Variants in TBXT observed in about 807,000 individuals in gnomAD.
The protein encoded by TBXT is T-box transcription factor T.
TBXT carries 19 observed loss-of-function variants against 41.1 expected under a neutral mutation model. The ratio of observed to expected loss-of-function variants is 0.46; its 90% CI spans 0.32 to 0.68. The LOEUF (loss-of-function observed/expected upper bound fraction) is 0.68, where lower values mean the gene tolerates loss of function less well. Ranked by LOEUF, TBXT falls within the 30% of genes least tolerant of loss-of-function variation. The pLI is 0.03. For synonymous variants in TBXT, 213 were observed against 238.9 expected (o/e 0.89, Z 1.00); for missense variants, 536 against 582.0 (o/e 0.92, Z 0.81).
intron 6 of TBXT, 31 bp downstream of exon 6, chr6:166,162,416 A>T (rs1487526491): frequency 8.7e-5 from 141 of 1,613,692 alleles, no homozygotes; most frequent in Non-Finnish European, 1.2e-4. Flanking sequence ...GCCACCCACC[A>T]ACCCCTGGCA....
chr6:166,158,683 T>G (rs1219906883), intron 7 of TBXT, 95 bp from the exon 8 acceptor site: 1 of 1,352,802 alleles, frequency 7.4e-7, no homozygotes, highest in African/African-American at 1.5e-5. Context: ...TCGGAGTGAC[T>G]GTGTAATATG....
rs759679493 is a variant in TBXT at position 166,166,751 on chromosome 6, G to A, written c.312C>T (p.Tyr104=). The part of the protein sequence containing the change: ...FVAADNHRWK[Y]VNGEWVPGGK... The stretch of plus-strand genomic sequence containing the variant: ...CCCCCGGCACCCATTCCCCGTTCAC[G>A]TACTTCCAGCGGTGGTTGTCCGCCG... The change falls in exon 2 of 8, where the codon TAC becomes TAT. Residue 104 remains tyrosine, a synonymous_variant. Coordinates refer to ENST00000366876, the MANE Select transcript of TBXT (RefSeq NM_001366285.2). 15 of 1,613,778 alleles carry A rather than the reference G, an allele frequency of 9.3e-6. No individual in the cohort carries two copies. In the East Asian group the frequency reaches 1.6e-4, roughly 17 times the overall value.
In TBXT at chr6:166,167,602, G is replaced by C. The variant is rs1198430776; in HGVS notation, c.-11C>G. On this transcript the variant is annotated 5_prime_UTR_variant, in exon 1 of 8. Coordinates refer to ENST00000366876, the MANE Select transcript of TBXT (RefSeq NM_001366285.2). Reference sequence around the variant, plus strand: ...GCCAGGGGAGCTCATCCTCCCGTCCGGCTCCCCTCCCCGCCGTCCCCGAAG... The same window carrying C: ...GCCAGGGGAGCTCATCCTCCCGTCCCGCTCCCCTCCCCGCCGTCCCCGAAG... 2 of 1,546,710 alleles carry C rather than the reference G, an allele frequency of 1.3e-6. No homozygotes were observed. Among genetic ancestry groups the C allele is most frequent in the East Asian group, 2.4e-5 (1 of 41,214 alleles).
intron 6 of TBXT, among the ~76,000 whole-genome samples, chr6:166,161,731 G>C (rs1315141837): frequency 6.6e-6 from 1 of 152,176 alleles, no homozygotes; most frequent in Non-Finnish European, 1.5e-5. Flanking sequence ...GACCATCCTG[G>C]CTAACACGGT....
intron 2 of TBXT, 88 bp downstream of exon 2, chr6:166,166,504 C>A: frequency 6.2e-7 from 1 of 1,600,078 alleles, no homozygotes; most frequent in Non-Finnish European, 8.5e-7. Flanking sequence ...CCCGTTCAAG[C>A]AGCGTCCCTT....
rs75828353 is a variant in TBXT at position 166,166,054 on chromosome 6, A to G, written c.472-214T>C. Among the ~76,000 whole-genome samples the G allele has an allele frequency of 2.5e-4, 38 of 152,332 alleles. No individual in the cohort carries two copies. The East Asian group carries it at 5.6e-3, about 22-fold the overall frequency. Reference sequence around the variant, plus strand: ...AAAGGGATGTGAGATGCTACACACCATTAAAAGCAATGAATGCTCATCACA... The same window carrying G: ...AAAGGGATGTGAGATGCTACACACCGTTAAAAGCAATGAATGCTCATCACA... On this transcript the variant is annotated intron_variant, in intron 2 of 7. Coordinates refer to ENST00000366876, the MANE Select transcript of TBXT (RefSeq NM_001366285.2).
chr6:166,161,259 G>C (rs1337156133), intron 6 of TBXT, among the ~76,000 whole-genome samples: 3 of 152,064 alleles, frequency 2.0e-5, no homozygotes, highest in Non-Finnish European at 2.9e-5. Flanking sequence ...CACTGACTTG[G>C]AATTACTTAT....
Position 166,164,677 on chromosome 6 carries a change from G to GAA in TBXT, c.669-13_669-12dup. The GAA allele has an allele frequency of 2.3e-6, 3 of 1,314,530 alleles. No individual in the cohort carries two copies. The highest frequency in any genetic ancestry group is 1.5e-5 in the African/African-American group (1 of 66,334). 81.4% of individuals were successfully genotyped at this position (1,314,530 alleles called of 1,614,324 possible). A position where few individuals can be genotyped will look rare whatever the true frequency, so the allele number is the denominator to read the frequency against. Reference sequence around the variant, plus strand: ...TCTTTGTGATCACTTCTATCAAAATGAAAAAAAAAAAGTATATCGAATTTT... The same window carrying GAA: ...TCTTTGTGATCACTTCTATCAAAATGAAAAAAAAAAAAAGTATATCGAATTTT... On this transcript the variant is annotated splice_polypyrimidine_tract_variant and intron_variant, in intron 4 of 7. Transcript: ENST00000366876.
intron 6 of TBXT, among the ~76,000 whole-genome samples, chr6:166,161,305 A>C (rs1484327304): frequency 6.6e-6 from 1 of 152,138 alleles, no homozygotes; most frequent in Non-Finnish European, 1.5e-5. Flanking sequence ...CTGCCTTTTT[A>C]CCAGTGATTA....
upstream of TBXT, chr6:166,168,569 C>G (rs1199097455): frequency 6.6e-6 from 1 of 152,328 alleles, no homozygotes; most frequent in Non-Finnish European, 1.5e-5. Context: ...GTCGGGTGTC[C>G]CCGCGGCTCT....
At chr6:166,158,831 TCA>T (rs1397325354) in intron 7 of TBXT, among the ~76,000 whole-genome samples, 2 of 152,206 alleles carry the variant, frequency 1.3e-5, no homozygotes, top group Non-Finnish European at 2.9e-5. Flanking sequence ...AAAAGATTAT[TCA>T]CATATTCAGA....
intron 2 of TBXT, 38 bp from the exon 3 acceptor site, chr6:166,165,878 G>C (rs766639607): frequency 6.2e-7 from 1 of 1,613,598 alleles, no homozygotes; most frequent in East Asian, 2.2e-5. Context: ...GCACTGAAAG[G>C]CCTGCGTTAA....
In TBXT at chr6:166,167,479, G is replaced by A. The variant is rs1412670018; in HGVS notation, c.113C>T (p.Thr38Ile). ...LQAGSEKGDPTERELRVGLEE... is the reference protein window; with the variant it reads ...LQAGSEKGDPIERELRVGLEE... ...CAGGCCCACGCGCAGTTCGCGCTCT[G>A]TGGGGTCGCCCTTCTCGCTGCCCGC... Residue 38 changes from threonine (T) to isoleucine (I), a missense_variant, in exon 1 of 8, where the codon ACA becomes ATA. Coordinates refer to ENST00000366876, the MANE Select transcript of TBXT (RefSeq NM_001366285.2). 6.2e-7 allele frequency: 1 copy of A among 1,611,726 alleles called. No homozygotes were observed. Among genetic ancestry groups the A allele is most frequent in the Non-Finnish European group, 8.5e-7 (1 of 1,179,894 alleles).
At chr6:166,167,958 T>C, upstream of TBXT, 1 of 355,356 alleles carries the variant, frequency 2.8e-6, no homozygotes, top group Non-Finnish European at 5.3e-6. Flanking sequence ...CAGCCTCCCA[T>C]TGGCCGAGAG....
At position 166,157,846 on chromosome 6, in the gene TBXT, T is replaced by C. The variant is rs1778825766; in HGVS notation, c.*469A>G. The C allele has an allele frequency of 5.2e-6, 1 of 192,564 alleles. No individual in the cohort carries two copies. 11.9% of individuals were successfully genotyped at this position (192,564 alleles called of 1,614,324 possible). A position where few individuals can be genotyped will look rare whatever the true frequency, so the allele number is the denominator to read the frequency against. Reference sequence around the variant, plus strand: ...TCAACTAAAACCTGCTGTCCTCAACTATGATTTTATTCTGTCCTTAACAGC... The same window carrying C: ...TCAACTAAAACCTGCTGTCCTCAACCATGATTTTATTCTGTCCTTAACAGC... On this transcript the variant is annotated 3_prime_UTR_variant, in exon 8 of 8. Transcript: ENST00000366876.
At chr6:166,159,418 T>C (rs946091507) in intron 7 of TBXT, among the ~76,000 whole-genome samples, 2 of 152,160 alleles carry the variant, frequency 1.3e-5, no homozygotes, top group African/African-American at 4.8e-5. Flanking sequence ...CCCTGCACTT[T>C]GTCCTGTTCA....
At chr6:166,164,535 C>T (rs745953151) in intron 5 of TBXT, 70 bp downstream of exon 5, 11 of 1,575,484 alleles carry the variant, frequency 7.0e-6, no homozygotes, top group Admixed American at 1.7e-5. Flanking sequence ...TCTCCATCTC[C>T]ACTTCCCAGC....
At position 166,158,536 on chromosome 6, in the gene TBXT, G is replaced by C; in HGVS notation, c.1090C>G (p.Gln364Glu). The change falls in exon 8 of 8, where the codon CAG becomes GAG. Residue 364 changes from glutamine (Q) to glutamate (E), a missense_variant. Coordinates refer to ENST00000366876, the MANE Select transcript of TBXT (RefSeq NM_001366285.2). ...AGCCCGTTGGACACGGCTGCTGCCT[G>C]GGAGCCCGGGGTGACGGCGCCGTTG... ...VSNGAVTPGS[Q>E]AAAVSNGLGA... 6.3e-7 allele frequency: 1 copy of C among 1,599,036 alleles called. No individual in the cohort carries two copies. Among genetic ancestry groups the C allele is most frequent in the African/African-American group, 1.3e-5 (1 of 74,750 alleles).
chr6:166,160,778 C>A (rs9459594), intron 7 of TBXT, 59 bp downstream of exon 7: 9 of 1,608,962 alleles, frequency 5.6e-6, no homozygotes, highest in Non-Finnish European at 7.6e-6. Flanking sequence ...ATGGAAACAG[C>A]GTGAAGTCAC....
Sources: allele counts gnomAD v4.1 joint callset (sites outside exome capture counted in the v4.1 genomes callset), GRCh38; gene constraint gnomAD v4.1.1; transcripts MANE v1.5; gene names NCBI Gene and HGNC (gene_info 2026-07-23, HGNC 2026-07-21).